The following PCDH15 variants were observed in gnomAD, a reference collection of about 807,000 sequenced individuals.
PCDH15 encodes the protein protocadherin related 15, also known as protocadherin-15.
PCDH15 carries 129 observed loss-of-function variants against 178.5 expected under a neutral mutation model. The ratio of observed to expected loss-of-function variants is 0.72; its 90% CI spans 0.63 to 0.84. The LOEUF (loss-of-function observed/expected upper bound fraction) is 0.84. Among genes scored for constraint, PCDH15 ranks in the 40% least tolerant of loss-of-function variants. The pLI, the probability that PCDH15 is intolerant of heterozygous loss-of-function variation, is 0.00. For missense variants in PCDH15, 2,230 were observed against 2,099.9 expected (o/e 1.06, Z -1.21); for synonymous variants, 800 against 732.0 (o/e 1.09, Z -1.50).
intron 3 of PCDH15, among the ~76,000 whole-genome samples, chr10:54,827,442 C>G (rs200805674): frequency 6.6e-6 from 1 of 152,014 alleles, no homozygotes; most frequent in Non-Finnish European, 1.5e-5. Context: ...TTTTTATTAG[C>G]CTCCTGAGCC....
At chr10:54,691,714 T>A (rs981328788) in intron 1 of PCDH15, among the ~76,000 whole-genome samples, 1 of 152,072 alleles carries the variant, frequency 6.6e-6, no homozygotes, top group African/African-American at 2.4e-5. Context: ...GATTTCTGAA[T>A]AAGAAATTTC....
At chr10:54,543,334 T>C (rs2085472795) in intron 2 of PCDH15, among the ~76,000 whole-genome samples, 1 of 152,176 alleles carries the variant, frequency 6.6e-6, no homozygotes, top group Admixed American at 6.5e-5. Context: ...AAATCGCCTA[T>C]AGATGGCAAA....
chr10:54,067,276 CTGTT>C, intron 17 of PCDH15, among the ~76,000 whole-genome samples: 1 of 152,190 alleles, frequency 6.6e-6, no homozygotes, highest in East Asian at 1.9e-4. Flanking sequence ...GTATGTTTGA[CTGTT>C]TAAAAATAAA....
chr10:54,276,747 G>A (rs909483834), intron 8 of PCDH15, among the ~76,000 whole-genome samples: 1 of 151,650 alleles, frequency 6.6e-6, no homozygotes, highest in African/African-American at 2.4e-5. Context: ...TTTATACAGT[G>A]GAAGTCAGTA....
At chr10:54,133,088 T>C in intron 14 of PCDH15, 81 bp from the exon 15 acceptor site, 2 of 1,592,762 alleles carry the variant, frequency 1.3e-6, no homozygotes, top group South Asian at 2.2e-5. Flanking sequence ...ATTCAGTTGT[T>C]GGGTTTACAG....
At chr10:54,928,741 T>C (rs1302569415) in intron 2 of PCDH15, among the ~76,000 whole-genome samples, 1 of 152,194 alleles carries the variant, frequency 6.6e-6, no homozygotes, top group Non-Finnish European at 1.5e-5. Flanking sequence ...GTGATTGTAT[T>C]ATAAAATTCT....
In PCDH15 at chr10:55,490,833, C is replaced by T. The variant is rs138888470; in HGVS notation, c.-156+136792G>A. Among the ~76,000 whole-genome samples the T allele has an allele frequency of 5.2e-4, 79 of 151,676 alleles. No individual in the cohort carries two copies. The East Asian group carries it at 0.013, about 24-fold the overall frequency. The stretch of plus-strand genomic sequence containing the variant: ...AGGAAGATAAACACAAATAAAATCA[C>T]GTTAAAGCATGTCATAATGAAGTTG... On this transcript the variant is annotated intron_variant, in intron 2 of 5. Transcript: ENST00000613346.
At chr10:55,581,320 G>A (rs559358841) in intron 2 of PCDH15, among the ~76,000 whole-genome samples, 1 of 151,620 alleles carries the variant, frequency 6.6e-6, no homozygotes, top group South Asian at 2.1e-4. Flanking sequence ...AACAGAAAAT[G>A]CTAATATTCA....
At chr10:54,608,165 A>T (rs925347829) in intron 2 of PCDH15, among the ~76,000 whole-genome samples, 7 of 151,850 alleles carry the variant, frequency 4.6e-5, no homozygotes, top group African/African-American at 1.7e-4. Context: ...GTATGCAAAC[A>T]CTTCGCTCAA....
chr10:53,841,674 C>T (rs1291938954), intron 28 of PCDH15, among the ~76,000 whole-genome samples: 2 of 152,108 alleles, frequency 1.3e-5, no homozygotes, highest in Non-Finnish European at 1.5e-5. Flanking sequence ...TATTGAAGTA[C>T]TATTCATTAT....
At chr10:53,960,719 A>G (rs74318245) in intron 22 of PCDH15, among the ~76,000 whole-genome samples, 1,747 of 152,314 alleles carry the variant, frequency 0.011, 31 homozygotes, top group African/African-American at 0.037. Context: ...GAGAGCCACA[A>G]TTGACCTTTG....
At chr10:54,699,733 A>G (rs1380272263) in intron 1 of PCDH15, among the ~76,000 whole-genome samples, 1 of 152,038 alleles carries the variant, frequency 6.6e-6, no homozygotes, top group Admixed American at 6.6e-5. Context: ...CATATATATT[A>G]TTTCCATTAA....
chr10:55,563,684 CT>C (rs1381444048), intron 2 of PCDH15, among the ~76,000 whole-genome samples: 1 of 148,392 alleles, frequency 6.7e-6, no homozygotes, highest in African/African-American at 2.5e-5. Flanking sequence ...TACATAAATA[CT>C]TTAAAATAAC....
At chr10:55,392,252 C>T (rs1837810792) in intron 2 of PCDH15, among the ~76,000 whole-genome samples, 1 of 152,110 alleles carries the variant, frequency 6.6e-6, no homozygotes, top group African/African-American at 2.4e-5. Flanking sequence ...TGAGCACATT[C>T]TCTTGGAAAA....
In PCDH15 at chr10:54,088,964, T is replaced by C. The variant is rs187096554; in HGVS notation, c.1997+1020A>G. Among the ~76,000 whole-genome samples the C allele has an allele frequency of 4.3e-4, 65 of 152,326 alleles. No individual in the cohort carries two copies. The South Asian group carries it at 0.01, about 24-fold the overall frequency. The stretch of plus-strand genomic sequence containing the variant: ...TTTTTATTTTCTTTAATGATGATTG[T>C]AAATTGTAGCTAATTTTTGATTTCT... On this transcript the variant is annotated intron_variant, in intron 16 of 37. Coordinates refer to ENST00000644397, the MANE Select transcript of PCDH15 (RefSeq NM_001384140.1).
chr10:54,699,512 A>G (rs547693905), intron 1 of PCDH15, among the ~76,000 whole-genome samples: 1 of 152,060 alleles, frequency 6.6e-6, no homozygotes, highest in African/African-American at 2.4e-5. Flanking sequence ...TTATTGTTCT[A>G]TGATGATAAT....
At chr10:54,873,187 T>C (rs1467603489) in intron 3 of PCDH15, among the ~76,000 whole-genome samples, 1 of 152,102 alleles carries the variant, frequency 6.6e-6, no homozygotes, top group East Asian at 1.9e-4. Context: ...TTTTTATATA[T>C]CGTAGGTTCT....
chr10:54,323,609 C>T (rs1262895892), intron 7 of PCDH15, among the ~76,000 whole-genome samples: 1 of 152,108 alleles, frequency 6.6e-6, no homozygotes, highest in East Asian at 1.9e-4. Context: ...TGAATTAATG[C>T]AGCAACAGAA....
chr10:55,115,103 G>A (rs1367886287), intron 2 of PCDH15, among the ~76,000 whole-genome samples: 1 of 152,156 alleles, frequency 6.6e-6, no homozygotes, highest in Non-Finnish European at 1.5e-5. Flanking sequence ...CTAAATTTCT[G>A]TAGGTGATAA....
Sources: allele counts gnomAD v4.1 joint callset (sites outside exome capture counted in the v4.1 genomes callset), GRCh38; gene constraint gnomAD v4.1.1; transcripts MANE v1.5; gene names NCBI Gene and HGNC (gene_info 2026-07-23, HGNC 2026-07-21).